The following SLC14A2 variants were observed in gnomAD, a reference collection of about 807,000 sequenced individuals.
SLC14A2 encodes urea transporter 2.
A neutral mutation model predicts 104.6 loss-of-function variants in SLC14A2; 91 were observed. That is an observed-to-expected ratio of 0.87 (90% CI 0.73 to 1.04). SLC14A2 has a LOEUF of 1.04. Ranked by LOEUF, SLC14A2 falls within the 50% of genes least tolerant of loss-of-function variation. The pLI, the probability that SLC14A2 is intolerant of heterozygous loss-of-function variation, is 0.00. For missense variants in SLC14A2, 1,189 were observed against 1,156.0 expected, an observed-to-expected ratio of 1.03 and a Z score of -0.41; for synonymous variants, 476 against 466.4, an observed-to-expected ratio of 1.02 and a Z score of -0.27.
At chr18:45,417,951 C>T (rs1644669847) in intron 1 of SLC14A2, among the ~76,000 whole-genome samples, 1 of 152,114 alleles carries the variant, frequency 6.6e-6, no homozygotes, top group Admixed American at 6.5e-5. Flanking sequence ...GTAGTCATTC[C>T]AATCAAATGA....
chr18:45,650,445 C>T (rs1482178568), intron 10 of SLC14A2, among the ~76,000 whole-genome samples: 1 of 152,122 alleles, frequency 6.6e-6, no homozygotes, highest in Non-Finnish European at 1.5e-5. Context: ...GTGTAGCCTG[C>T]CCAGGGCCAT....
intron 1 of SLC14A2, among the ~76,000 whole-genome samples, chr18:45,301,136 G>A (rs1431733439): frequency 1.3e-5 from 2 of 152,232 alleles, no homozygotes; most frequent in African/African-American, 4.8e-5. Context: ...ATTTTATAAA[G>A]CATCTTCACT....
intron 1 of SLC14A2, among the ~76,000 whole-genome samples, chr18:45,294,038 T>C (rs928084949): frequency 5.3e-5 from 8 of 152,180 alleles, no homozygotes; most frequent in Admixed American, 5.2e-4. Flanking sequence ...TATCCATCAC[T>C]TTTGGGGAAA....
chr18:45,662,226 C>T (rs988413775), intron 10 of SLC14A2, among the ~76,000 whole-genome samples: 3 of 152,046 alleles, frequency 2.0e-5, no homozygotes, highest in Non-Finnish European at 4.4e-5. Context: ...TGCTTGAATC[C>T]GGGAGGTGGA....
intron 1 of SLC14A2, among the ~76,000 whole-genome samples, chr18:45,288,534 A>C (rs1055291685): frequency 3.3e-5 from 5 of 152,148 alleles, no homozygotes; most frequent in African/African-American, 1.2e-4. Flanking sequence ...AGGTGGGACA[A>C]GCGTGAATAT....
intron 1 of SLC14A2, among the ~76,000 whole-genome samples, chr18:45,300,117 T>A (rs1352430119): frequency 6.6e-6 from 1 of 152,104 alleles, no homozygotes; most frequent in Admixed American, 6.6e-5. Context: ...AAGACAAGGC[T>A]ATCACGAGAA....
intron 16 of SLC14A2, 55 bp downstream of exon 16, chr18:45,669,553 A>G (rs558400808): frequency 2.1e-6 from 3 of 1,439,326 alleles, no homozygotes; most frequent in African/African-American, 1.4e-5. Flanking sequence ...TGTTACTGGC[A>G]TTTGCATATT....
At chr18:45,199,309 T>G in the SLC14A2 span, among the ~76,000 whole-genome samples, 8 of 152,276 alleles carry the variant, frequency 5.3e-5, no homozygotes, top group Admixed American at 1.3e-4. Context: ...ATTACCTAAC[T>G]CTTTTAGACC....
At chr18:45,283,201 G>A (rs554237286) in intron 1 of SLC14A2, among the ~76,000 whole-genome samples, 5 of 151,696 alleles carry the variant, frequency 3.3e-5, no homozygotes, top group Non-Finnish European at 7.4e-5. Context: ...ACTCTGAGCA[G>A]GGCACATGAG....
intron 2 of SLC14A2, among the ~76,000 whole-genome samples, chr18:45,601,575 C>T (rs1184651782): frequency 2.0e-5 from 3 of 152,202 alleles, no homozygotes; most frequent in Admixed American, 2.0e-4. Context: ...ATCTTAATTC[C>T]AATGGGGTTT....
intron 1 of SLC14A2, among the ~76,000 whole-genome samples, chr18:45,445,869 C>T (rs1448327069): frequency 1.3e-5 from 2 of 152,138 alleles, no homozygotes; most frequent in African/African-American, 4.8e-5. Context: ...AAAGAAAATG[C>T]CTAGAGAAGC....
At chr18:45,422,338 A>G (rs9950405) in intron 1 of SLC14A2, among the ~76,000 whole-genome samples, 1 of 152,190 alleles carries the variant, frequency 6.6e-6, no homozygotes, top group Admixed American at 6.5e-5. Flanking sequence ...CTAGCAAAAA[A>G]TAACTGGATT....
intron 1 of SLC14A2, among the ~76,000 whole-genome samples, chr18:45,343,705 C>G (rs200558349): frequency 6.6e-6 from 1 of 152,070 alleles, no homozygotes; most frequent in Non-Finnish European, 1.5e-5. Flanking sequence ...CTTTGTGAAG[C>G]CTTTGAAAGG....
chr18:45,657,505 A>G (rs534046801), intron 10 of SLC14A2, among the ~76,000 whole-genome samples: 117 of 137,482 alleles, frequency 8.5e-4, no homozygotes, highest in Middle Eastern at 3.6e-3. Flanking sequence ...AAAAAAAAAG[A>G]AAGGAAAGAA....
the SLC14A2 span, among the ~76,000 whole-genome samples, chr18:45,185,380 T>C: frequency 6.6e-6 from 1 of 152,116 alleles, no homozygotes. Context: ...CCCTCTCAGA[T>C]TGTGGCCACC....
At chr18:45,247,554 T>A (rs775232911) in intron 1 of SLC14A2, among the ~76,000 whole-genome samples, 1 of 152,176 alleles carries the variant, frequency 6.6e-6, no homozygotes, top group Non-Finnish European at 1.5e-5. Flanking sequence ...TGTCTATTCG[T>A]TCTTCTAGAA....
At chr18:45,325,008 G>A (rs2144247340) in intron 1 of SLC14A2, among the ~76,000 whole-genome samples, 1 of 152,248 alleles carries the variant, frequency 6.6e-6, no homozygotes, top group East Asian at 1.9e-4. Flanking sequence ...AGCAAAGATG[G>A]GTGCTGTGCA....
At chr18:45,666,255 C>A in intron 12 of SLC14A2, 36 bp downstream of exon 12, 1 of 1,434,776 alleles carries the variant, frequency 7.0e-7, no homozygotes, top group Non-Finnish European at 9.8e-7. Context: ...GGACAGCGCC[C>A]TACAGTCACA....
chr18:45,188,266 C>T, the SLC14A2 span, among the ~76,000 whole-genome samples: 7 of 152,182 alleles, frequency 4.6e-5, no homozygotes, highest in South Asian at 4.2e-4. Flanking sequence ...TGTCTTGCCC[C>T]GTTACCTATC....
Sources: allele counts gnomAD v4.1 joint callset (sites outside exome capture counted in the v4.1 genomes callset), GRCh38; gene constraint gnomAD v4.1.1; transcripts MANE v1.5; gene names NCBI Gene and HGNC (gene_info 2026-07-23, HGNC 2026-07-21).